The following FER variants were observed in gnomAD, a reference collection of about 807,000 sequenced individuals.
FER encodes the protein tyrosine-protein kinase Fer.
FER carries 63 observed loss-of-function variants against 111.0 expected under a neutral mutation model. The ratio of observed to expected loss-of-function variants is 0.57; its 90% CI spans 0.46 to 0.70. FER has a LOEUF of 0.70. FER is among the 30% of genes least tolerant of loss of function. The pLI is 0.00. For missense variants in FER, 914 were observed against 954.0 expected, an observed-to-expected ratio of 0.96 and a Z score of 0.55; for synonymous variants, 327 against 313.9, an observed-to-expected ratio of 1.04 and a Z score of -0.44.
intron 17 of FER, among the ~76,000 whole-genome samples, chr5:109,139,264 T>A (rs1753244461): frequency 6.6e-6 from 1 of 152,032 alleles, no homozygotes; most frequent in African/African-American, 2.4e-5. Context: ...TGAGTCTGTC[T>A]TGCTGTCAAC....
chr5:108,929,170 A>G (rs1182050564), intron 10 of FER, among the ~76,000 whole-genome samples: 2 of 152,132 alleles, frequency 1.3e-5, no homozygotes, highest in Non-Finnish European at 2.9e-5. Context: ...CTAATGTCAT[A>G]AAGGTATATA....
chr5:108,836,998 T>C (rs1760733995), intron 5 of FER, among the ~76,000 whole-genome samples: 2 of 152,176 alleles, frequency 1.3e-5, no homozygotes. Context: ...GCCAAGACTT[T>C]GAGATTATGG....
chr5:108,952,484 A>G (rs547902861), intron 11 of FER, among the ~76,000 whole-genome samples: 3 of 151,748 alleles, frequency 2.0e-5, no homozygotes, highest in African/African-American at 4.8e-5. Flanking sequence ...GTGTATATAC[A>G]TGTGTATATA....
intron 13 of FER, among the ~76,000 whole-genome samples, chr5:109,023,867 A>C (rs1238343950): frequency 6.6e-6 from 1 of 152,224 alleles, no homozygotes; most frequent in East Asian, 1.9e-4. Context: ...GAACAGTATG[A>C]GAGATGATGG....
chr5:108,932,396 C>T (rs1474625016), intron 10 of FER, among the ~76,000 whole-genome samples: 1 of 152,114 alleles, frequency 6.6e-6, no homozygotes, highest in African/African-American at 2.4e-5. Context: ...GTGCATGTGC[C>T]ACATTTTCTT....
chr5:109,056,344 A>T (rs1773644891), intron 16 of FER, among the ~76,000 whole-genome samples: 1 of 152,234 alleles, frequency 6.6e-6, no homozygotes, highest in African/African-American at 2.4e-5. Flanking sequence ...AGAGAAATGG[A>T]TAAAGAAAAT....
At chr5:109,133,878 C>T in intron 17 of FER, among the ~76,000 whole-genome samples, 1 of 152,036 alleles carries the variant, frequency 6.6e-6, no homozygotes, top group African/African-American at 2.4e-5. Flanking sequence ...TATTTCAACT[C>T]CAAAATTTGT....
chr5:108,872,301 A>T, intron 8 of FER, 89 bp downstream of exon 8: 1 of 1,293,522 alleles, frequency 7.7e-7, no homozygotes, highest in Non-Finnish European at 1.0e-6. Context: ...AATTATTTTT[A>T]CAAGTATTGA....
At chr5:109,158,142 C>T (rs115287041) in intron 17 of FER, among the ~76,000 whole-genome samples, 1,774 of 151,828 alleles carry the variant, frequency 0.012, 41 homozygotes, top group African/African-American at 0.04. Context: ...ACTTTGGGAG[C>T]CTGAGGTGGG....
At chr5:109,066,603 C>T (rs1447622796) in intron 16 of FER, among the ~76,000 whole-genome samples, 1 of 151,790 alleles carries the variant, frequency 6.6e-6, no homozygotes, top group Non-Finnish European at 1.5e-5. Context: ...CCAGGAGATG[C>T]AACGATTAAT....
chr5:109,109,574 T>G (rs1749349569), intron 17 of FER, among the ~76,000 whole-genome samples: 1 of 152,120 alleles, frequency 6.6e-6, no homozygotes, highest in Non-Finnish European at 1.5e-5. Context: ...GTACACTGAT[T>G]CAGGTTAGAG....
Position 109,180,854 on chromosome 5 carries a change from T to C in FER, c.2156T>C (p.Leu719Ser), listed in dbSNP as rs1407733029. 1 of 1,613,526 alleles carries C rather than the reference T, an allele frequency of 6.2e-7. No homozygotes were observed. Among genetic ancestry groups the C allele is most frequent in the Admixed American group, 1.7e-5 (1 of 59,926 alleles). The change falls in exon 18 of 20, where the codon TTA becomes TCA. Residue 719 changes from leucine (L) to serine (S), a missense_variant. This residue lies in a region of FER where 134 missense variants were observed against 149.4 expected (regional missense o/e 0.90). Transcript: ENST00000281092. ...EDGGVYSSSGLKQIPIKWTAP... is the reference protein window; with the variant it reads ...EDGGVYSSSGSKQIPIKWTAP... The stretch of plus-strand genomic sequence containing the variant: ...GGTGGAGTGTATTCATCTTCTGGCT[T>C]AAAGCAGATTCCCATTAAATGGACA...
At chr5:108,952,255 A>C (rs1159239850) in intron 11 of FER, among the ~76,000 whole-genome samples, 1 of 151,522 alleles carries the variant, frequency 6.6e-6, no homozygotes. Flanking sequence ...TGAGGTAGAA[A>C]GCTTCCTTTC....
intron 9 of FER, 156 bp from the exon 10 acceptor site, chr5:108,897,503 A>G: frequency 1.9e-6 from 1 of 537,894 alleles, no homozygotes; most frequent in East Asian, 3.3e-5. Context: ...TGTAATAAAT[A>G]CTGTGATAAC....
Position 109,164,210 on chromosome 5 carries a change from T to A in FER, c.2049-16537T>A, listed in dbSNP as rs187559265. ...AGCTGAGCAGTGAAGCAGACACAAC[T>A]TCCCCAAAATGACATCAGTGCCTTT... is the stretch of plus-strand genomic sequence containing the variant. On this transcript the variant is annotated intron_variant, in intron 17 of 19. Transcript: ENST00000281092. Among the ~76,000 whole-genome samples, 86 of 152,304 alleles carry A rather than the reference T, an allele frequency of 5.6e-4. No individual in the cohort carries two copies. The East Asian group carries it at 0.013, about 23-fold the overall frequency.
At chr5:108,941,948 A>G (rs926039710) in intron 10 of FER, among the ~76,000 whole-genome samples, 1 of 152,140 alleles carries the variant, frequency 6.6e-6, no homozygotes, top group Non-Finnish European at 1.5e-5. Context: ...CTGTCAATGA[A>G]GGTTCTCAAC....
At chr5:108,967,664 G>A (rs1416065002) in intron 13 of FER, among the ~76,000 whole-genome samples, 1 of 149,628 alleles carries the variant, frequency 6.7e-6, no homozygotes, top group African/African-American at 2.5e-5. Context: ...GGAGGCTAAG[G>A]CAGGAGAATC....
At chr5:109,006,363 C>T (rs1228650907) in intron 13 of FER, among the ~76,000 whole-genome samples, 1 of 152,106 alleles carries the variant, frequency 6.6e-6, no homozygotes, top group Non-Finnish European at 1.5e-5. Flanking sequence ...GTAAGTCTCA[C>T]GAGAGCTGGT....
intron 5 of FER, among the ~76,000 whole-genome samples, chr5:108,837,582 G>A (rs994261865): frequency 2.6e-5 from 4 of 152,130 alleles, no homozygotes; most frequent in South Asian, 2.1e-4. Context: ...TGTGTATTTC[G>A]CACTAGGTTT....
Sources: gnomAD v4.1 joint callset for allele counts (sites outside exome capture counted in the v4.1 genomes callset) on GRCh38, gnomAD v4.1.1 for gene constraint, gnomAD v4.1.1 regional missense constraint, MANE v1.5 for transcripts, NCBI Gene and HGNC (gene_info 2026-07-23, HGNC 2026-07-21) for gene names.